Variants in COX7B2 observed in about 807,000 individuals in gnomAD.
COX7B2 encodes the protein cytochrome c oxidase subunit 7B2.
For synonymous variants in COX7B2, 37 were observed against 32.1 expected, an observed-to-expected ratio of 1.15 and a Z score of -0.51; for missense variants, 109 against 95.9, an observed-to-expected ratio of 1.14 and a Z score of -0.57.
In COX7B2 at chr4:46,734,940, GTGA is replaced by G. The variant is rs1443854848; in HGVS notation, c.*4_*6del. 1 of 1,614,006 alleles carries G rather than the reference GTGA, an allele frequency of 6.2e-7. No homozygotes were observed. The highest frequency in any genetic ancestry group is 1.3e-5 in the African/African-American group (1 of 75,048). On this transcript the variant is annotated 3_prime_UTR_variant, in exon 3 of 3. Coordinates refer to ENST00000355591, the MANE Select transcript of COX7B2 (RefSeq NM_130902.3). ...AAACAATTCTGTCATTACAGCAACT[GTGA>G]TGGTTACTGATGTTTCCACTCTTTT...
At chr4:46,780,764 T>C (rs1034262070) in intron 2 of COX7B2, among the ~76,000 whole-genome samples, 2 of 152,230 alleles carry the variant, frequency 1.3e-5, no homozygotes, top group African/African-American at 4.8e-5. Flanking sequence ...CTATTTTTAA[T>C]CTATTTGAAC....
At chr4:46,904,349 A>G (rs1447154549) in intron 1 of COX7B2, among the ~76,000 whole-genome samples, 2 of 152,190 alleles carry the variant, frequency 1.3e-5, no homozygotes, top group African/African-American at 4.8e-5. Flanking sequence ...TAGAACTCAA[A>G]TGGAGATAAC....
intron 2 of COX7B2, among the ~76,000 whole-genome samples, chr4:46,840,186 G>A (rs551434336): frequency 3.3e-5 from 5 of 152,090 alleles, no homozygotes; most frequent in African/African-American, 9.6e-5. Context: ...TACCTTCCAG[G>A]AATGAGAAAG....
chr4:46,814,103 T>C (rs1053716869), intron 2 of COX7B2, among the ~76,000 whole-genome samples: 1 of 152,140 alleles, frequency 6.6e-6, no homozygotes, highest in Non-Finnish European at 1.5e-5. Context: ...GAAAATAGCA[T>C]GGAGGTTCTT....
intron 2 of COX7B2, among the ~76,000 whole-genome samples, chr4:46,816,357 C>A (rs973739648): frequency 7.2e-5 from 11 of 152,066 alleles, no homozygotes; most frequent in Admixed American, 3.3e-4. Context: ...CCTCTTAATT[C>A]TTTCTCTATC....
intron 1 of COX7B2, among the ~76,000 whole-genome samples, chr4:46,868,797 G>A (rs531569539): frequency 1.3e-5 from 2 of 152,292 alleles, no homozygotes; most frequent in African/African-American, 4.8e-5. Context: ...CAATTATGTG[G>A]TCGGTTTTAG....
intron 2 of COX7B2, among the ~76,000 whole-genome samples, chr4:46,737,484 G>T (rs1350371243): frequency 6.6e-6 from 1 of 152,064 alleles, no homozygotes; most frequent in East Asian, 1.9e-4. Flanking sequence ...ATATAAAGTA[G>T]CTGACACAAA....
chr4:46,803,685 T>C (rs141185548), intron 2 of COX7B2, among the ~76,000 whole-genome samples: 62 of 151,950 alleles, frequency 4.1e-4, no homozygotes, highest in African/African-American at 1.4e-3. Flanking sequence ...TGCTTTCATA[T>C]CACAATTGTT....
chr4:46,764,301 T>C (rs1047508238), intron 2 of COX7B2, among the ~76,000 whole-genome samples: 2 of 144,358 alleles, frequency 1.4e-5, no homozygotes, highest in Non-Finnish European at 3.0e-5. Context: ...TCTCAGCACT[T>C]TGGGAGGCTG....
intron 2 of COX7B2, among the ~76,000 whole-genome samples, chr4:46,771,887 C>A (rs1423445269): frequency 6.6e-6 from 1 of 152,068 alleles, no homozygotes; most frequent in African/African-American, 2.4e-5. Flanking sequence ...ATCCAAAATT[C>A]TCCAATGAGC....
At chr4:46,867,722 C>T (rs369401460) in intron 1 of COX7B2, among the ~76,000 whole-genome samples, 54 of 152,296 alleles carry the variant, frequency 3.5e-4, no homozygotes, top group African/African-American at 1.3e-3. Flanking sequence ...CCCAGGGAAG[C>T]CTACTTCATC....
At chr4:46,748,610 T>C (rs1577656030) in intron 2 of COX7B2, among the ~76,000 whole-genome samples, 1 of 152,200 alleles carries the variant, frequency 6.6e-6, no homozygotes, top group Non-Finnish European at 1.5e-5. Flanking sequence ...CAAAGGTCAA[T>C]GGACTCTCTA....
chr4:46,853,806 C>A (rs568924520), intron 1 of COX7B2, among the ~76,000 whole-genome samples: 1 of 152,042 alleles, frequency 6.6e-6, no homozygotes, highest in Admixed American at 6.6e-5. Context: ...TTAGTGCTAT[C>A]TTTTCACTCA....
intron 1 of COX7B2, among the ~76,000 whole-genome samples, chr4:46,907,802 T>G (rs1720485285): frequency 6.8e-6 from 1 of 146,506 alleles, no homozygotes; most frequent in Non-Finnish European, 1.5e-5. Context: ...ATCTCTTGTC[T>G]CTGAAGAGGA....
intron 2 of COX7B2, among the ~76,000 whole-genome samples, chr4:46,794,619 T>G (rs1718225758): frequency 6.6e-6 from 1 of 152,024 alleles, no homozygotes; most frequent in Non-Finnish European, 1.5e-5. Context: ...GAAACTGAAC[T>G]AGGAAATCTA....
At position 46,740,789 on chromosome 4, in the gene COX7B2, T is replaced by C. The variant is rs147098051; in HGVS notation, c.-49-5548A>G. Among the ~76,000 whole-genome samples, 640 of 152,268 alleles carry C rather than the reference T, an allele frequency of 4.2e-3. 4 individuals are homozygous for C. Among genetic ancestry groups the C allele is most frequent in the African/African-American group, 0.015 (606 of 41,576 alleles). Reference sequence around the variant, plus strand: ...ATAAATAAAATAAAAATCAGATCAATTTAGTAAGTAAGTTACTCTAACTAA... The same window carrying C: ...ATAAATAAAATAAAAATCAGATCAACTTAGTAAGTAAGTTACTCTAACTAA... On this transcript the variant is annotated intron_variant, in intron 2 of 2. Coordinates refer to ENST00000355591, the MANE Select transcript of COX7B2 (RefSeq NM_130902.3).
At chr4:46,856,087 T>C (rs1362986009) in intron 1 of COX7B2, among the ~76,000 whole-genome samples, 1 of 151,794 alleles carries the variant, frequency 6.6e-6, no homozygotes, top group African/African-American at 2.4e-5. Context: ...CTACTAGAAA[T>C]ACAAAAATTA....
intron 2 of COX7B2, among the ~76,000 whole-genome samples, chr4:46,759,452 A>G (rs930483132): frequency 7.2e-5 from 11 of 151,946 alleles, no homozygotes; most frequent in Admixed American, 6.6e-4. Context: ...TCTATCCATC[A>G]GACAAAGGGC....
intron 2 of COX7B2, among the ~76,000 whole-genome samples, chr4:46,762,244 TATATATTTAATATATA>T (rs1333728743): frequency 2.7e-4 from 38 of 142,180 alleles, no homozygotes; most frequent in Non-Finnish European, 1.7e-4. Context: ...TTAAATATAT[TATATATTTAATATATA>T]ATATATTTAA....
Sources: gnomAD v4.1 joint callset for allele counts (sites outside exome capture counted in the v4.1 genomes callset) on GRCh38, gnomAD v4.1.1 for gene constraint, MANE v1.5 for transcripts, NCBI Gene and HGNC (gene_info 2026-07-23, HGNC 2026-07-21) for gene names.